FMR1: variants seen among roughly 807,000 people sequenced by gnomAD.
FMR1 encodes FMRP translational regulator 1.
FMR1 carries 13 observed loss-of-function variants against 50.6 expected under a neutral mutation model. The ratio of observed to expected loss-of-function variants is 0.26; its 90% confidence interval spans 0.17 to 0.41. The LOEUF (loss-of-function observed/expected upper bound fraction) is 0.41, where lower values mean the gene tolerates loss of function less well. Ranked by LOEUF, FMR1 falls within the 10% of genes least tolerant of loss-of-function variation. The pLI, the probability that FMR1 is intolerant of heterozygous loss-of-function variation, is 1.00. For synonymous variants in FMR1, 138 were observed against 164.1 expected (o/e 0.84, Z 1.22); for missense variants, 316 against 491.3 (o/e 0.64, Z 3.37).
At chrX:147,935,935 A>G (rs1188722575) in intron 9 of FMR1, among the ~76,000 whole-genome samples, 3 of 112,208 alleles carry the variant, frequency 2.7e-5, no homozygotes, top group African/African-American at 9.7e-5. Context: ...AAGAATTTGT[A>G]TTCCTTTTGG....
Position 147,949,320 on chromosome X carries a change from T to C in FMR1, c.*476T>C, listed in dbSNP as rs2044268401. The stretch of plus-strand genomic sequence containing the variant: ...GTTTTGGTCCACTTTTCCAGTATTT[T>C]AGTGGACCCTGAAATGTGTGTGATG... On this transcript the variant is annotated 3_prime_UTR_variant, in exon 17 of 17. Coordinates refer to ENST00000370475, the MANE Select transcript of FMR1 (RefSeq NM_002024.6). The C allele has an allele frequency of 3.1e-6, 1 of 327,432 alleles. No homozygotes were observed. The highest frequency in any genetic ancestry group is 5.9e-6 in the Non-Finnish European group (1 of 169,804). 27.0% of individuals were successfully genotyped at this position (327,432 alleles called of 1,213,427 possible). A position where few individuals can be genotyped will look rare whatever the true frequency, so the allele number is the denominator to read the frequency against.
intron 2 of FMR1, among the ~76,000 whole-genome samples, chrX:147,923,366 A>G (rs1478029523): frequency 8.9e-6 from 1 of 112,167 alleles, no homozygotes; most frequent in African/African-American, 3.2e-5. Flanking sequence ...AGACAACAGC[A>G]TCACACCAAC....
intron 10 of FMR1, among the ~76,000 whole-genome samples, chrX:147,937,050 C>T (rs1311119074): frequency 9.0e-6 from 1 of 111,476 alleles, no homozygotes; most frequent in Admixed American, 9.5e-5. Context: ...TGTGTTTATT[C>T]TGTGTGCTTT....
At chrX:147,912,331 G>A in intron 1 of FMR1, 101 bp downstream of exon 1, 4 of 798,915 alleles carry the variant, frequency 5.0e-6, no homozygotes, top group Admixed American at 2.8e-5. Flanking sequence ...CCCGAGCACC[G>A]CGCCTGGGTG....
At chrX:147,934,358 G>C (rs782259520) in intron 9 of FMR1, among the ~76,000 whole-genome samples, 1 of 110,808 alleles carries the variant, frequency 9.0e-6, no homozygotes, top group South Asian at 3.8e-4. Context: ...GGCAATGTGA[G>C]CGTGGGTCAC....
intron 7 of FMR1, among the ~76,000 whole-genome samples, chrX:147,931,726 GCTC>G (rs1221446405): frequency 2.7e-5 from 3 of 111,949 alleles, no homozygotes; most frequent in African/African-American, 9.7e-5. Context: ...ATTTACAAGT[GCTC>G]ATCATAATTG....
intron 3 of FMR1, among the ~76,000 whole-genome samples, chrX:147,926,708 G>A (rs2043402289): frequency 9.0e-6 from 1 of 110,505 alleles, no homozygotes; most frequent in African/African-American, 3.3e-5. Context: ...GGCTAGTCTC[G>A]AACTCCTGAC....
chrX:147,912,258 T>G (rs953239902), intron 1 of FMR1, 28 bp downstream of exon 1: 1 of 1,148,217 alleles, frequency 8.7e-7, no homozygotes, highest in Non-Finnish European at 1.2e-6. Flanking sequence ...AGGCCCCATC[T>G]TCGCCCTTCC....
At position 147,949,528 on chromosome X, in the gene FMR1, A is replaced by G. The variant is rs1172118993; in HGVS notation, c.*684A>G. On this transcript the variant is annotated 3_prime_UTR_variant, in exon 17 of 17. Coordinates refer to ENST00000370475, the MANE Select transcript of FMR1 (RefSeq NM_002024.6). ...CTTTATAGAAGAATGCATGCTTTCC[A>G]TATTTTTTTCCTTACATAAACATCA... is the stretch of plus-strand genomic sequence containing the variant. 3.0e-6 allele frequency: 1 copy of G among 327,895 alleles called. No homozygotes were observed. The highest frequency in any genetic ancestry group is 5.9e-6 in the Non-Finnish European group (1 of 169,690). The allele number at this position is 327,895 out of a possible 1,213,427, so 27.0% of individuals were successfully genotyped here. A position where few individuals can be genotyped will look rare whatever the true frequency, so the allele number is the denominator to read the frequency against.
chrX:147,943,454 A>G, intron 14 of FMR1, 128 bp downstream of exon 14: 1 of 602,324 alleles, frequency 1.7e-6, no homozygotes, highest in East Asian at 3.5e-5. Flanking sequence ...CAGTGGGTTA[A>G]ATTGTGTTAC....
At chrX:147,932,282 A>G (rs2043634133) in intron 7 of FMR1, 143 bp from the exon 8 acceptor site, 1 of 529,394 alleles carries the variant, frequency 1.9e-6, no homozygotes, top group Admixed American at 3.2e-5. Context: ...GGTATTTTCT[A>G]AAACCTGTTA....
intron 1 of FMR1, 146 bp downstream of exon 1, chrX:147,912,376 A>G: frequency 3.6e-6 from 2 of 554,043 alleles, no homozygotes; most frequent in Non-Finnish European, 5.9e-6. Context: ...GTTGGGAGGG[A>G]AGGACTGGAC....
intron 3 of FMR1, among the ~76,000 whole-genome samples, 164 bp downstream of exon 3, chrX:147,925,797 A>G (rs2043365394): frequency 1.8e-5 from 2 of 112,049 alleles, no homozygotes; most frequent in Admixed American, 1.9e-4. Flanking sequence ...ATAATTCAAA[A>G]TGATACATGA....
At position 147,912,049 on chromosome X, in the gene FMR1, C is replaced by CGGCGGCGGCGGCGGCGGCGGCGGCGGAG. The variant is rs1557173771; in HGVS notation, c.-130_-129insGCGGCGGCGGCGGCGGCGGCGGCGGAGG. 2.5e-5 allele frequency: 1 copy of CGGCGGCGGCGGCGGCGGCGGCGGCGGAG among 39,997 alleles called. No homozygotes were observed. Among genetic ancestry groups the CGGCGGCGGCGGCGGCGGCGGCGGCGGAG allele is most frequent in the Non-Finnish European group, 4.2e-5 (1 of 23,821 alleles). The allele number at this position is 39,997 out of a possible 1,213,427, so 3.3% of individuals were successfully genotyped here. The stretch of plus-strand genomic sequence containing the variant: ...GCCGCTGCCAGGGGGCGTGCGGCAG[C>CGGCGGCGGCGGCGGCGGCGGCGGCGGAG]GCGGCGGCGGCGGCGGCGGCGGCGG... On this transcript the variant is annotated 5_prime_UTR_variant, in exon 1 of 17. Coordinates refer to ENST00000370475, the MANE Select transcript of FMR1 (RefSeq NM_002024.6).
rs781818343 is a variant in FMR1, at chrX:147,944,987, C to T, written c.1590C>T (p.Asp530=). ...EERESFLRRG[D]GRRRGGGGRG... is the part of the protein sequence containing the mutation. ...GGGAGAGCTTCCTGCGCAGAGGAGA[C>T]GGACGGCGGCGTGGAGGGGGAGGAA... Residue 530 remains aspartate, a synonymous_variant, in exon 15 of 17, where the codon GAC becomes GAT. Transcript: ENST00000370475. The T allele has an allele frequency of 1.2e-5, 15 of 1,201,664 alleles. No individual in the cohort carries two copies. The highest frequency in any genetic ancestry group is 4.4e-5 in the Admixed American group (2 of 45,056).
At position 147,949,510 on chromosome X, in the gene FMR1, G is replaced by A. The variant is rs954054158; in HGVS notation, c.*666G>A. The A allele has an allele frequency of 1.2e-5, 4 of 327,852 alleles. No homozygotes were observed. Among genetic ancestry groups the A allele is most frequent in the African/African-American group, 1.1e-4 (4 of 37,637 alleles). The allele number at this position is 327,852 out of a possible 1,213,427, so 27.0% of individuals were successfully genotyped here. A position where few individuals can be genotyped will look rare whatever the true frequency, so the allele number is the denominator to read the frequency against. On this transcript the variant is annotated 3_prime_UTR_variant, in exon 17 of 17. Coordinates refer to ENST00000370475, the MANE Select transcript of FMR1 (RefSeq NM_002024.6). The stretch of plus-strand genomic sequence containing the variant: ...CCCTGTCAAACATTAGTACTTTATA[G>A]AAGAATGCATGCTTTCCATATTTTT...
At chrX:147,912,586 C>T (rs904902759) in intron 1 of FMR1, 1 of 304,931 alleles carries the variant, frequency 3.3e-6, no homozygotes, top group South Asian at 1.6e-4. Context: ...GCTTATTCCC[C>T]CTTTCCTAAA....
At chrX:147,939,995 A>G (rs1436427372) in intron 12 of FMR1, among the ~76,000 whole-genome samples, 1 of 104,148 alleles carries the variant, frequency 9.6e-6, no homozygotes, top group African/African-American at 3.5e-5. Context: ...CCCTGTCTCT[A>G]CTAAAAAAAC....
chrX:147,921,308 C>T (rs2043151767), intron 1 of FMR1, among the ~76,000 whole-genome samples: 1 of 110,648 alleles, frequency 9.0e-6, no homozygotes, highest in African/African-American at 3.3e-5. Flanking sequence ...ACAATTGTGT[C>T]ATCAGATTTA....
Sources: gnomAD v4.1 joint callset for allele counts (sites outside exome capture counted in the v4.1 genomes callset) on GRCh38, gnomAD v4.1.1 for gene constraint, MANE v1.5 for transcripts, NCBI Gene and HGNC (gene_info 2026-07-23, HGNC 2026-07-21) for gene names.